EBF1: variants seen among roughly 807,000 people sequenced by gnomAD.
EBF1 encodes the protein transcription factor COE1.
A neutral mutation model predicts 68.4 loss-of-function variants in EBF1; 10 were observed. That is an observed-to-expected ratio of 0.15 (90% CI 0.09 to 0.25). The LOEUF is 0.25. EBF1 is among the 10% of genes least tolerant of loss of function. EBF1 has a pLI of 1.00. For missense variants in EBF1, 509 were observed against 794.4 expected (o/e 0.64, Z 4.32); for synonymous variants, 298 against 299.8 (o/e 0.99, Z 0.06).
chr5:158,754,700 AG>A (rs1458457170), intron 10 of EBF1, among the ~76,000 whole-genome samples: 1 of 152,078 alleles, frequency 6.6e-6, no homozygotes, highest in Non-Finnish European at 1.5e-5. Flanking sequence ...AGTTAGAAAA[AG>A]TATTAGCAAA....
intron 6 of EBF1, among the ~76,000 whole-genome samples, chr5:159,041,837 C>A (rs1006480209): frequency 6.6e-6 from 1 of 152,186 alleles, no homozygotes; most frequent in African/African-American, 2.4e-5. Flanking sequence ...TTATTTACTG[C>A]ACCAAATATT....
chr5:158,932,259 G>T (rs551919571), intron 6 of EBF1, among the ~76,000 whole-genome samples: 1 of 152,260 alleles, frequency 6.6e-6, no homozygotes, highest in South Asian at 2.1e-4. Context: ...AACAATTGCA[G>T]ATTGGTTAGA....
At chr5:158,926,488 G>C (rs1212225666) in intron 6 of EBF1, among the ~76,000 whole-genome samples, 1 of 152,074 alleles carries the variant, frequency 6.6e-6, no homozygotes, top group Admixed American at 6.5e-5. Flanking sequence ...CACTTTGGGA[G>C]GCCAAAGTGG....
intron 6 of EBF1, among the ~76,000 whole-genome samples, chr5:158,846,604 A>T (rs1163998448): frequency 1.3e-5 from 2 of 152,206 alleles, no homozygotes; most frequent in African/African-American, 4.8e-5. Flanking sequence ...CTTGCAACAG[A>T]GCAGGCCAAA....
At chr5:158,895,262 G>A (rs143214318) in intron 6 of EBF1, among the ~76,000 whole-genome samples, 48 of 152,132 alleles carry the variant, frequency 3.2e-4, no homozygotes, top group Non-Finnish European at 5.3e-4. Flanking sequence ...GAATAAAAAC[G>A]CAGTAAAAAA....
chr5:158,877,294 T>C (rs766955593), intron 6 of EBF1, among the ~76,000 whole-genome samples: 4 of 152,228 alleles, frequency 2.6e-5, no homozygotes, highest in Non-Finnish European at 5.9e-5. Context: ...TGCCCCTGAA[T>C]GGGTTAATCT....
intron 6 of EBF1, among the ~76,000 whole-genome samples, chr5:158,876,994 C>A (rs1562193092): frequency 6.6e-6 from 1 of 152,084 alleles, no homozygotes; most frequent in African/African-American, 2.4e-5. Flanking sequence ...GACTTTAGAC[C>A]ACAAAGTCAG....
At chr5:158,918,399 A>G (rs1807673490) in intron 6 of EBF1, among the ~76,000 whole-genome samples, 1 of 152,216 alleles carries the variant, frequency 6.6e-6, no homozygotes, top group Admixed American at 6.5e-5. Context: ...GACTCTTGAC[A>G]TCAACTCTAA....
chr5:158,876,874 T>C (rs548800839), intron 6 of EBF1, among the ~76,000 whole-genome samples: 1 of 152,242 alleles, frequency 6.6e-6, no homozygotes, highest in South Asian at 2.1e-4. Context: ...CTTTGGATTT[T>C]CATAATAGGA....
At chr5:158,872,186 T>C (rs1796991226) in intron 6 of EBF1, among the ~76,000 whole-genome samples, 2 of 151,284 alleles carry the variant, frequency 1.3e-5, no homozygotes, top group Non-Finnish European at 3.0e-5. Flanking sequence ...TAGAAAACTT[T>C]TGGTCTTTTC....
intron 6 of EBF1, among the ~76,000 whole-genome samples, chr5:159,066,144 C>CCA (rs1776756187): frequency 6.6e-6 from 1 of 151,754 alleles, no homozygotes; most frequent in Non-Finnish European, 1.5e-5. Context: ...ATCAAAAGGC[C>CCA]CACCGAGTGA....
intron 11 of EBF1, among the ~76,000 whole-genome samples, chr5:158,717,511 C>A (rs1290612106): frequency 1.3e-5 from 2 of 152,082 alleles, no homozygotes; most frequent in African/African-American, 4.8e-5. Flanking sequence ...TGTTTCAAGG[C>A]ATTTATTTGT....
chr5:158,863,954 A>G (rs1795408869), intron 6 of EBF1, among the ~76,000 whole-genome samples: 1 of 152,146 alleles, frequency 6.6e-6, no homozygotes, highest in Non-Finnish European at 1.5e-5. Context: ...CTCAGGGGCC[A>G]GGTGTGGTGG....
At chr5:158,760,794 G>A (rs1458627828) in intron 10 of EBF1, among the ~76,000 whole-genome samples, 1 of 152,032 alleles carries the variant, frequency 6.6e-6, no homozygotes, top group East Asian at 1.9e-4. Context: ...GATGAGTTGT[G>A]TTATTATTTT....
intron 6 of EBF1, among the ~76,000 whole-genome samples, chr5:158,900,286 C>T (rs532327545): frequency 4.0e-4 from 61 of 152,286 alleles, no homozygotes; most frequent in African/African-American, 1.2e-3. Flanking sequence ...GAGACCTGGG[C>T]GGTGGGAGAG....
At chr5:158,958,231 A>C (rs1304090892) in intron 6 of EBF1, among the ~76,000 whole-genome samples, 1 of 152,216 alleles carries the variant, frequency 6.6e-6, no homozygotes, top group African/African-American at 2.4e-5. Flanking sequence ...ATCCTCTTTT[A>C]CAATAGAACA....
chr5:158,731,964 T>C (rs917859086), intron 10 of EBF1, among the ~76,000 whole-genome samples: 17 of 152,216 alleles, frequency 1.1e-4, no homozygotes, highest in African/African-American at 3.9e-4. Flanking sequence ...CAATATTAAG[T>C]GGACTCTGGT....
intron 6 of EBF1, among the ~76,000 whole-genome samples, chr5:158,865,252 C>T (rs1169199679): frequency 6.6e-6 from 1 of 152,152 alleles, no homozygotes; most frequent in African/African-American, 2.4e-5. Flanking sequence ...TATGCCAGAA[C>T]TGAGCAAGCC....
chr5:159,046,391 C>T (rs1444730903), intron 6 of EBF1, among the ~76,000 whole-genome samples: 1 of 152,144 alleles, frequency 6.6e-6, no homozygotes, highest in African/African-American at 2.4e-5. Context: ...ATAATTGTGT[C>T]GACTTGTGCA....
Sources: gnomAD v4.1 joint callset for allele counts (sites outside exome capture counted in the v4.1 genomes callset) on GRCh38, gnomAD v4.1.1 for gene constraint, MANE v1.5 for transcripts, NCBI Gene and HGNC (gene_info 2026-07-23, HGNC 2026-07-21) for gene names.